Variants in ERN2 observed in about 807,000 individuals in gnomAD.
ERN2 encodes the protein endoplasmic reticulum to nucleus signaling 2, also known as serine/threonine-protein kinase/endoribonuclease IRE2.
ERN2 carries 111 observed loss-of-function variants against 107.9 expected under a neutral mutation model. That is an observed-to-expected ratio of 1.03 (90% CI 0.88 to 1.20). The LOEUF is 1.20. ERN2 is among the 50% of genes most tolerant of loss of function. The pLI is 0.00. For missense variants in ERN2, 1,225 were observed against 1,197.9 expected (o/e 1.02, Z -0.33); for synonymous variants, 524 against 501.7 (o/e 1.04, Z -0.59).
rs1354122194 is a variant in ERN2, at chr16:23,710,577, G to A, written c.200-28C>T. 8 of 1,613,788 alleles carry A rather than the reference G, an allele frequency of 5.0e-6. No homozygotes were observed. In the South Asian group the frequency reaches 7.7e-5, roughly 16 times the overall value. On this transcript the variant is annotated intron_variant, in intron 2 of 21. Transcript: ENST00000256797. Reference sequence around the variant, plus strand: ...GCAGGGACAGGGACACAGAACATAAGCAGTTTCCTCCAGACCCCACTGAAA... The same window carrying A: ...GCAGGGACAGGGACACAGAACATAAACAGTTTCCTCCAGACCCCACTGAAA...
At chr16:23,707,708 G>A (rs1449654964) in intron 4 of ERN2, among the ~76,000 whole-genome samples, 3 of 152,142 alleles carry the variant, frequency 2.0e-5, no homozygotes, top group Admixed American at 2.0e-4. Flanking sequence ...GTGAGACTCT[G>A]TCTCTAAACA....
intron 4 of ERN2, among the ~76,000 whole-genome samples, chr16:23,708,347 CTTTTTTTTTTTTT>C (rs747761449): frequency 1.5e-4 from 8 of 54,718 alleles, no homozygotes; most frequent in East Asian, 4.5e-4. Flanking sequence ...TGGTGCTATT[CTTTTTTTTTTTTT>C]TTTTTTTTTT....
chr16:23,704,802 G>A lies in ERN2; in HGVS notation c.854+81C>T, dbSNP rs536417614. 22 of 1,466,492 alleles carry A rather than the reference G, an allele frequency of 1.5e-5. No homozygotes were observed. The East Asian group carries it at 4.1e-4, about 27-fold the overall frequency. 90.8% of individuals were successfully genotyped at this position (1,466,492 alleles called of 1,614,324 possible). A position where few individuals can be genotyped will look rare whatever the true frequency, so the allele number is the denominator to read the frequency against. On this transcript the variant is annotated intron_variant, in intron 8 of 21. Transcript: ENST00000256797. ...TCAGCGGTACTGGTGTGTCACAGCT[G>A]AACATCTCGCCTGGCCATCAGACCC...
chr16:23,700,810 G>A, intron 12 of ERN2, 106 bp from the exon 13 acceptor site: 1 of 1,481,886 alleles, frequency 6.7e-7, no homozygotes, highest in East Asian at 2.3e-5. Context: ...TGAACTTACA[G>A]AGCAAGATCG....
intron 1 of ERN2, chr16:23,712,791 C>T (rs1960595014): frequency 5.4e-6 from 2 of 368,644 alleles, no homozygotes; most frequent in Non-Finnish European, 4.8e-6. Context: ...AGAGGCCTGG[C>T]TTTCGTGCCC....
chr16:23,703,817 T>A (rs1461551591), intron 8 of ERN2, among the ~76,000 whole-genome samples: 2 of 152,204 alleles, frequency 1.3e-5, no homozygotes, highest in Non-Finnish European at 2.9e-5. Context: ...AGATGTTCCT[T>A]CCTCTAGGAA....
intron 17 of ERN2, among the ~76,000 whole-genome samples, chr16:23,693,314 C>T (rs926560675): frequency 2.0e-5 from 3 of 151,552 alleles, no homozygotes; most frequent in Non-Finnish European, 1.5e-5. Context: ...GGGCCAAGCA[C>T]AGTGGCTCAT....
chr16:23,704,965 G>C lies in ERN2; in HGVS notation c.772C>G (p.Leu258Val), dbSNP rs763700850. 2.5e-6 allele frequency: 4 copies of C among 1,613,962 alleles called. No individual in the cohort carries two copies. The highest frequency in any genetic ancestry group is 3.4e-6 in the Non-Finnish European group (4 of 1,180,030). The change falls in exon 8 of 22, where the codon CTC (leucine) becomes GTC (valine). Residue 258 changes from leucine (L) to valine (V), a missense_variant. Leu to Val is a conservative substitution (Grantham distance 32). Coordinates refer to ENST00000256797, the MANE Select transcript of ERN2 (RefSeq NM_033266.4). ...LARDTLHFLA[L>V]RWGHIRLPAS... is the part of the protein sequence containing the mutation. ...GGCAGTCGGATGTGGCCCCAGCGGA[G>C]GGCGAGGAAATGCAGAGTGTCTCGA...
At chr16:23,710,285 C>T (rs745447221) in intron 3 of ERN2, 41 bp from the exon 4 acceptor site, 133 of 1,531,508 alleles carry the variant, frequency 8.7e-5, no homozygotes, top group East Asian at 2.2e-5. Context: ...TGGGTTCTTG[C>T]CCCCTGGTTT....
chr16:23,690,463 G>T lies in ERN2; in HGVS notation c.*368C>A, dbSNP rs1959537138. 1 of 454,202 alleles carries T rather than the reference G, an allele frequency of 2.2e-6. No individual in the cohort carries two copies. Among genetic ancestry groups the T allele is most frequent in the Admixed American group, 3.5e-5 (1 of 28,274 alleles). 28.1% of individuals were successfully genotyped at this position (454,202 alleles called of 1,614,324 possible). On this transcript the variant is annotated 3_prime_UTR_variant, in exon 22 of 22. Transcript: ENST00000256797. ...GCTGCCCAGCCTCTGCCAGTCTTGTGGGGGAAAGGGGGTGACAGTGTCTCT... is the reference window on the plus strand; with the variant it reads ...GCTGCCCAGCCTCTGCCAGTCTTGTTGGGGAAAGGGGGTGACAGTGTCTCT...
chr16:23,695,207 A>C lies in ERN2; in HGVS notation c.1793T>G (p.Leu598Trp). The change falls in exon 15 of 22, where the codon TTG becomes TGG. Residue 598 changes from leucine to tryptophan, a missense_variant. By Grantham distance (61) the Leu-to-Trp change is moderately conservative (BLOSUM62 -2). Transcript: ENST00000256797. ...AACCGCAATGCAACTCACCTCCTGCAAGGAGGCCCGGCAGAGCTCCAGGGC... is the reference window on the plus strand; with the variant it reads ...AACCGCAATGCAACTCACCTCCTGCCAGGAGGCCCGGCAGAGCTCCAGGGC... Reference protein sequence around the residue: ...YIALELCRASLQEYVENPDLD... With the variant: ...YIALELCRASWQEYVENPDLD... The C allele has an allele frequency of 6.2e-7, 1 of 1,613,924 alleles. No individual in the cohort carries two copies.
At position 23,700,736 on chromosome 16, in the gene ERN2, C is replaced by A. The variant is rs770375390; in HGVS notation, c.1360-32G>T. 4 of 1,591,502 alleles carry A rather than the reference C, an allele frequency of 2.5e-6. No homozygotes were observed. The South Asian group carries it at 4.6e-5, about 18-fold the overall frequency. On this transcript the variant is annotated intron_variant, in intron 12 of 21. Transcript: ENST00000256797. ...CATGAGAGCCTAAGAGAGCTTTGTC[C>A]TGGCCACGCCCTGCCCCGTGATGGG...
intron 4 of ERN2, among the ~76,000 whole-genome samples, chr16:23,708,347 CTTTTTTTT>C (rs747761449): frequency 8.0e-4 from 44 of 54,718 alleles, no homozygotes; most frequent in Admixed American, 2.4e-3. Context: ...TGGTGCTATT[CTTTTTTTT>C]TTTTTTTTTT....
In ERN2 at chr16:23,694,934, G is replaced by C. The variant is rs1364255288; in HGVS notation, c.1901-7C>G. 1.9e-6 allele frequency: 3 copies of C among 1,614,048 alleles called. No individual in the cohort carries two copies. The highest frequency in any genetic ancestry group is 8.5e-7 in the Non-Finnish European group (1 of 1,179,996). ...GGCTTCAGGTCCCGGTGCACTGTGGGAGAGGGGCAGAAAGAAAGCTGGTTG... is the reference window on the plus strand; with the variant it reads ...GGCTTCAGGTCCCGGTGCACTGTGGCAGAGGGGCAGAAAGAAAGCTGGTTG... On this transcript the variant is annotated splice_polypyrimidine_tract_variant and splice_region_variant and intron_variant, in intron 16 of 21. Coordinates refer to ENST00000256797, the MANE Select transcript of ERN2 (RefSeq NM_033266.4).
In ERN2 at chr16:23,695,192, C is replaced by A. The variant is rs778999151; in HGVS notation, c.1800+8G>T. ...CACTCACCCTCCCTGAACCGCAATG[C>A]AACTCACCTCCTGCAAGGAGGCCCG... On this transcript the variant is annotated splice_region_variant and intron_variant, in intron 15 of 21. Transcript: ENST00000256797. 1.9e-6 allele frequency: 3 copies of A among 1,613,960 alleles called. No homozygotes were observed. The highest frequency in any genetic ancestry group is 2.2e-5 in the East Asian group (1 of 44,862).
In ERN2 at chr16:23,702,553, G is replaced by C; in HGVS notation, c.934-16C>G. On this transcript the variant is annotated splice_polypyrimidine_tract_variant and intron_variant, in intron 9 of 21. Coordinates refer to ENST00000256797, the MANE Select transcript of ERN2 (RefSeq NM_033266.4). Reference sequence around the variant, plus strand: ...GTCCACGAGGCTATGGCAGAAGATGGAGAGCCATGAGTGAGGGAGGTTCTT... The same window carrying C: ...GTCCACGAGGCTATGGCAGAAGATGCAGAGCCATGAGTGAGGGAGGTTCTT... 6.2e-7 allele frequency: 1 copy of C among 1,613,894 alleles called. No homozygotes were observed. The highest frequency in any genetic ancestry group is 2.2e-5 in the East Asian group (1 of 44,862).
intron 8 of ERN2, 84 bp downstream of exon 8, chr16:23,704,799 G>C: frequency 1.4e-6 from 2 of 1,447,818 alleles, no homozygotes; most frequent in South Asian, 2.4e-5. Context: ...GTGTGTCACA[G>C]CTGAACATCT....
intron 17 of ERN2, among the ~76,000 whole-genome samples, chr16:23,692,990 A>G (rs1483530573): frequency 6.6e-6 from 1 of 151,510 alleles, no homozygotes; most frequent in Non-Finnish European, 1.5e-5. Context: ...AAGAAAATCC[A>G]GAAATCCAAA....
chr16:23,701,252 T>C, intron 11 of ERN2, 138 bp from the exon 12 acceptor site: 1 of 806,172 alleles, frequency 1.2e-6, no homozygotes, highest in Non-Finnish European at 1.9e-6. Flanking sequence ...CGTGGCACTC[T>C]CCACAGTGCT....
Sources: gnomAD v4.1 joint callset for allele counts (sites outside exome capture counted in the v4.1 genomes callset) on GRCh38, gnomAD v4.1.1 for gene constraint, MANE v1.5 for transcripts, NCBI Gene and HGNC (gene_info 2026-07-23, HGNC 2026-07-21) for gene names.